Variants in OSCP1 observed in about 807,000 individuals in gnomAD.
The protein encoded by OSCP1 is organic solute carrier partner 1.
In OSCP1, 35 loss-of-function variants were observed where a neutral mutation model predicts 45.1. The observed-to-expected ratio is 0.78, with a 90% CI of 0.59 to 1.03. The LOEUF is 1.03. OSCP1 is among the 50% of genes least tolerant of loss of function. The probability of loss-of-function intolerance (pLI) is 0.00; values close to 1 mark genes in which losing one functional copy is unlikely to be tolerated. For synonymous variants in OSCP1, 179 were observed against 180.1 expected (o/e 0.99, Z 0.05); for missense variants, 400 against 470.7 (o/e 0.85, Z 1.39).
At chr1:36,419,956 G>A (rs960110993) in intron 8 of OSCP1, among the ~76,000 whole-genome samples, 1 of 151,548 alleles carries the variant, frequency 6.6e-6, no homozygotes, top group African/African-American at 2.4e-5. Flanking sequence ...GGGACTACAG[G>A]TGCGCACCAT....
chr1:36,439,241 C>G (rs1557563696), intron 1 of OSCP1, among the ~76,000 whole-genome samples: 1 of 152,128 alleles, frequency 6.6e-6, no homozygotes, highest in Non-Finnish European at 1.5e-5. Flanking sequence ...AGATTACTGG[C>G]TGGGTGTGGT....
intron 4 of OSCP1, among the ~76,000 whole-genome samples, chr1:36,424,457 A>ATGC (rs1219477345): frequency 1.3e-5 from 2 of 152,206 alleles, no homozygotes; most frequent in African/African-American, 2.4e-5. Flanking sequence ...CTTGAGCTGT[A>ATGC]AGAACCTCAT....
At chr1:36,425,675 T>C (rs143299209) in intron 4 of OSCP1, among the ~76,000 whole-genome samples, 5,757 of 151,148 alleles carry the variant, frequency 0.038, 157 homozygotes, top group South Asian at 0.061. Flanking sequence ...GGAGGTTGCA[T>C]TGAGCTGAGA....
chr1:36,437,949 A>T (rs570065291), intron 2 of OSCP1, among the ~76,000 whole-genome samples: 16 of 152,252 alleles, frequency 1.1e-4, no homozygotes, highest in African/African-American at 3.6e-4. Context: ...CTGAGGCAGG[A>T]AGATCACTTG....
chr1:36,432,637 G>C (rs1409739062), intron 2 of OSCP1, 48 bp from the exon 3 acceptor site: 1 of 1,608,902 alleles, frequency 6.2e-7, no homozygotes, highest in Non-Finnish European at 8.5e-7. Context: ...ATCAAAATCA[G>C]GTGTGAGAAT....
intron 8 of OSCP1, among the ~76,000 whole-genome samples, chr1:36,419,497 T>C (rs573980962): frequency 1.3e-5 from 2 of 152,346 alleles, no homozygotes; most frequent in South Asian, 2.1e-4. Flanking sequence ...ACATAGTACC[T>C]GTCACACAGA....
At position 36,446,400 on chromosome 1, in the gene OSCP1, G is replaced by C. The variant is rs1035341104; in HGVS notation, c.112+3858C>G. On this transcript the variant is annotated intron_variant, in intron 1 of 9. Coordinates refer to ENST00000235532, the MANE Select transcript of OSCP1 (RefSeq NM_145047.5). ...AAGGAGGTGGAGTTTTAATCCCCTT[G>C]CAGGTGTGTTTGGGGAATAGTGGTG... Among the ~76,000 whole-genome samples the C allele has an allele frequency of 2.6e-4, 39 of 152,194 alleles. 1 individual carries two copies. The highest frequency in any genetic ancestry group is 2.0e-4 in the Admixed American group (3 of 15,288).
At chr1:36,435,141 C>G (rs1240384593) in intron 2 of OSCP1, among the ~76,000 whole-genome samples, 2 of 138,772 alleles carry the variant, frequency 1.4e-5, no homozygotes, top group African/African-American at 5.5e-5. Context: ...GTTACCCAGG[C>G]TGGAGTACAG....
At chr1:36,448,135 T>C (rs1649656583) in intron 1 of OSCP1, among the ~76,000 whole-genome samples, 1 of 152,212 alleles carries the variant, frequency 6.6e-6, no homozygotes, top group South Asian at 2.1e-4. Context: ...TACCATTTTA[T>C]GGAGAAACAG....
chr1:36,426,084 G>A (rs1187171753), intron 4 of OSCP1, among the ~76,000 whole-genome samples: 3 of 152,194 alleles, frequency 2.0e-5, no homozygotes, highest in Non-Finnish European at 4.4e-5. Context: ...GCTGGATGAC[G>A]TTTAAGACAT....
At chr1:36,424,124 T>C (rs1173363462) in intron 4 of OSCP1, among the ~76,000 whole-genome samples, 3 of 152,064 alleles carry the variant, frequency 2.0e-5, no homozygotes, top group Non-Finnish European at 4.4e-5. Flanking sequence ...TTTATATTTT[T>C]TTGTAGAGAT....
chr1:36,429,800 C>G (rs2124786578), intron 4 of OSCP1, among the ~76,000 whole-genome samples: 1 of 148,584 alleles, frequency 6.7e-6, no homozygotes, highest in East Asian at 2.0e-4. Context: ...CAGGCTGGAG[C>G]ACAGTAGCAT....
intron 1 of OSCP1, among the ~76,000 whole-genome samples, chr1:36,448,524 T>C (rs1649674103): frequency 6.6e-6 from 1 of 152,208 alleles, no homozygotes; most frequent in Non-Finnish European, 1.5e-5. Flanking sequence ...GATAGACATA[T>C]ACACAGATCA....
intron 4 of OSCP1, among the ~76,000 whole-genome samples, chr1:36,425,625 C>T (rs1044984382): frequency 2.6e-5 from 4 of 151,236 alleles, no homozygotes; most frequent in Non-Finnish European, 4.4e-5. Flanking sequence ...TCTGGCTACT[C>T]GGGAGGCTGA....
chr1:36,429,224 A>G (rs1175394433), intron 4 of OSCP1, among the ~76,000 whole-genome samples: 1 of 151,970 alleles, frequency 6.6e-6, no homozygotes, highest in Non-Finnish European at 1.5e-5. Flanking sequence ...TGTCTCTACA[A>G]AAAATACAAA....
chr1:36,432,880 C>T (rs746946615), intron 2 of OSCP1, among the ~76,000 whole-genome samples: 1 of 152,184 alleles, frequency 6.6e-6, no homozygotes, highest in Non-Finnish European at 1.5e-5. Flanking sequence ...ATAATATTGG[C>T]AGCAGCGGAG....
At chr1:36,430,827 G>C (rs1332356900) in intron 4 of OSCP1, among the ~76,000 whole-genome samples, 1 of 152,074 alleles carries the variant, frequency 6.6e-6, no homozygotes, top group East Asian at 1.9e-4. Context: ...GCTCACTTTT[G>C]TATTTTTAGT....
At position 36,431,829 on chromosome 1, in the gene OSCP1, G is replaced by A. The variant is rs1240666738; in HGVS notation, c.489C>T (p.Leu163=). Residue 163 remains leucine, a synonymous_variant, in exon 4 of 10, where the codon CTC becomes CTT. Transcript: ENST00000235532. ...GEFQLIRQTL[L]IFFQDLHIRV... ...GGATGTGCAGGTCTTGGAAGAAGAT[G>A]AGGAGTGTCTGCCGGATCAGCTGGA... The A allele has an allele frequency of 1.7e-5, 27 of 1,613,646 alleles. No individual in the cohort carries two copies. Among genetic ancestry groups the A allele is most frequent in the South Asian group, 5.5e-5 (5 of 91,072 alleles).
intron 1 of OSCP1, chr1:36,448,016 C>T (rs1232448486): frequency 5.8e-6 from 2 of 344,606 alleles, no homozygotes; most frequent in African/African-American, 4.2e-5. Flanking sequence ...ATTCCAAGGG[C>T]CTTGTCCAGA....
Sources: gnomAD v4.1 joint callset for allele counts (sites outside exome capture counted in the v4.1 genomes callset) on GRCh38, gnomAD v4.1.1 for gene constraint, MANE v1.5 for transcripts, NCBI Gene and HGNC (gene_info 2026-07-23, HGNC 2026-07-21) for gene names.